The following PCDHA9 variants were observed in gnomAD, a reference collection of about 807,000 sequenced individuals.
The protein encoded by PCDHA9 is protocadherin alpha 9, also known as protocadherin alpha-9.
PCDHA9 carries 62 observed loss-of-function variants against 62.0 expected under a neutral mutation model. The observed-to-expected ratio is 1.00, with a 90% CI of 0.81 to 1.23. The LOEUF (loss-of-function observed/expected upper bound fraction) is 1.23, where lower values mean the gene tolerates loss of function less well. Among genes scored for constraint, PCDHA9 ranks in the 50% most tolerant of loss-of-function variants. The pLI, the probability that PCDHA9 is intolerant of heterozygous loss-of-function variation, is 0.00. For synonymous variants in PCDHA9, 557 were observed against 567.6 expected (o/e 0.98, Z 0.27); for missense variants, 1,205 against 1,249.8 (o/e 0.96, Z 0.54).
chr5:140,913,471 C>G (rs2076351409), intron 1 of PCDHA9, among the ~76,000 whole-genome samples: 1 of 152,010 alleles, frequency 6.6e-6, no homozygotes, highest in South Asian at 2.1e-4. Context: ...TGGGTCTTCT[C>G]TCTTTTTTTC....
At position 140,927,110 on chromosome 5, in the gene PCDHA9, G is replaced by T; in HGVS notation, c.2395-51839G>T. The T allele has an allele frequency of 3.7e-6, 6 of 1,613,752 alleles. No individual in the cohort carries two copies. The Middle Eastern group carries it at 8.3e-4, about 222-fold the overall frequency. On this transcript the variant is annotated intron_variant, in intron 1 of 3. Transcript: ENST00000532602. ...TACTTCGGGGTGGATCTACCCAGCG[G>T]CAATTTGGTGGTCAGAGAGCCGGCG...
chr5:140,924,116 G>C (rs2081683465), intron 1 of PCDHA9, among the ~76,000 whole-genome samples: 1 of 152,178 alleles, frequency 6.6e-6, no homozygotes, highest in African/African-American at 2.4e-5. Flanking sequence ...AAAGCAGTTA[G>C]CTTGCTTAGC....
At chr5:140,892,950 C>G (rs553307667) in intron 1 of PCDHA9, among the ~76,000 whole-genome samples, 21 of 152,188 alleles carry the variant, frequency 1.4e-4, no homozygotes, top group Non-Finnish European at 2.9e-4. Context: ...AATACTACTT[C>G]CATGAGCTCA....
chr5:140,861,559 A>G (rs2046978123), intron 1 of PCDHA9: 2 of 393,478 alleles, frequency 5.1e-6, no homozygotes, highest in Non-Finnish European at 5.3e-6. Context: ...GTGATCGTGG[A>G]CAAGCTGCTA....
intron 1 of PCDHA9, among the ~76,000 whole-genome samples, chr5:140,951,473 C>G (rs1009151700): frequency 1.3e-5 from 2 of 151,880 alleles, no homozygotes; most frequent in Non-Finnish European, 2.9e-5. Context: ...TTCTGGGGAG[C>G]CTTCAAGAAT....
At chr5:140,921,811 T>C (rs1484171257) in intron 1 of PCDHA9, among the ~76,000 whole-genome samples, 1 of 152,096 alleles carries the variant, frequency 6.6e-6, no homozygotes, top group Non-Finnish European at 1.5e-5. Context: ...ATAAGATACA[T>C]GTGTGAATAT....
chr5:140,981,582 A>C (rs2096939117), intron 2 of PCDHA9, among the ~76,000 whole-genome samples: 1 of 152,182 alleles, frequency 6.6e-6, no homozygotes, highest in African/African-American at 2.4e-5. Flanking sequence ...TCAAAAATAA[A>C]TAAAATAAAA....
chr5:140,877,767 C>T, intron 1 of PCDHA9: 1 of 1,614,166 alleles, frequency 6.2e-7, no homozygotes, highest in Non-Finnish European at 8.5e-7. Context: ...AGAGCCCGCC[C>T]AAGACGGACC....
intron 1 of PCDHA9, chr5:140,876,187 G>A (rs1554168344): frequency 1.9e-6 from 3 of 1,613,842 alleles, no homozygotes; most frequent in African/African-American, 2.7e-5. Context: ...GAATGACAAT[G>A]GTCCGGCGTT....
intron 1 of PCDHA9, among the ~76,000 whole-genome samples, chr5:140,913,425 G>A (rs919355007): frequency 1.1e-4 from 16 of 152,094 alleles, no homozygotes; most frequent in African/African-American, 1.2e-4. Context: ...AGTATCAGTT[G>A]TAATGCCTCC....
chr5:140,852,300 C>T (rs1056866634), intron 1 of PCDHA9: 15 of 446,010 alleles, frequency 3.4e-5, no homozygotes, highest in East Asian at 3.0e-4. Context: ...TTTTCTGAGA[C>T]GGAGTCGTTT....
rs202007975 is a variant in PCDHA9 at position 140,850,558 on chromosome 5, G to A, written c.2063G>A (p.Gly688Asp). The A allele has an allele frequency of 5.2e-4, 834 of 1,598,326 alleles. 75 individuals carry two copies. The highest frequency in any genetic ancestry group is 6.1e-4 in the Non-Finnish European group (716 of 1,167,818). ...SSSRASVGAT[G>D]PEVTLVDVNV... ...TCGCGGGCGTCAGTGGGTGCCACGGGCCCCGAGGTGACGCTGGTGGATGTC... is the reference window on the plus strand; with the variant it reads ...TCGCGGGCGTCAGTGGGTGCCACGGACCCCGAGGTGACGCTGGTGGATGTC... The change falls in exon 1 of 4, where the codon GGC becomes GAC. Residue 688 changes from glycine (G) to aspartate (D), a missense_variant. Physicochemically the swap from Gly to Asp is moderately conservative, Grantham distance 94 (BLOSUM62 -1). Transcript: ENST00000532602.
chr5:140,876,342 A>C, intron 1 of PCDHA9: 1 of 1,614,042 alleles, frequency 6.2e-7, no homozygotes, highest in Non-Finnish European at 8.5e-7. Flanking sequence ...TGAGTGAGAA[A>C]TGTATGTTTT....
intron 1 of PCDHA9, chr5:140,967,360 G>A: frequency 1.2e-6 from 2 of 1,607,656 alleles, no homozygotes; most frequent in South Asian, 1.1e-5. Context: ...TGGACCTTAA[G>A]CCCCTGCAGG....
At chr5:140,865,318 CT>C (rs1554159374) in intron 1 of PCDHA9, 1 of 152,042 alleles carries the variant, frequency 6.6e-6, no homozygotes, top group Non-Finnish European at 1.5e-5. Flanking sequence ...ATGAGATGGC[CT>C]TTAATTCTGT....
At chr5:140,963,443 T>C (rs1554226608) in intron 1 of PCDHA9, among the ~76,000 whole-genome samples, 1 of 152,248 alleles carries the variant, frequency 6.6e-6, no homozygotes, top group African/African-American at 2.4e-5. Flanking sequence ...TCATACTCTG[T>C]TGCTAAAGTA....
intron 1 of PCDHA9, among the ~76,000 whole-genome samples, chr5:140,970,168 G>T (rs1050888983): frequency 6.6e-6 from 1 of 152,168 alleles, no homozygotes; most frequent in Non-Finnish European, 1.5e-5. Context: ...ACCTTTCTTG[G>T]CATACTCTGA....
intron 1 of PCDHA9, among the ~76,000 whole-genome samples, chr5:140,879,619 G>C (rs1554170883): frequency 6.6e-6 from 1 of 152,182 alleles, no homozygotes; most frequent in African/African-American, 2.4e-5. Flanking sequence ...CAGGTACTTA[G>C]GTGGGTAAGT....
At chr5:140,869,463 C>T (rs1554163094) in intron 1 of PCDHA9, 1 of 1,614,148 alleles carries the variant, frequency 6.2e-7, no homozygotes, top group South Asian at 1.1e-5. Context: ...TCCATGTGAA[C>T]GTGGAGGTGA....
Sources: gnomAD v4.1 joint callset for allele counts (sites outside exome capture counted in the v4.1 genomes callset) on GRCh38, gnomAD v4.1.1 for gene constraint, MANE v1.5 for transcripts, NCBI Gene and HGNC (gene_info 2026-07-23, HGNC 2026-07-21) for gene names.